Variants in MKLN1 observed in about 807,000 individuals in gnomAD.
MKLN1 encodes the protein muskelin.
In MKLN1, 18 loss-of-function variants were observed where a neutral mutation model predicts 99.0. The ratio of observed to expected loss-of-function variants is 0.18; its 90% CI spans 0.13 to 0.27. MKLN1 has a LOEUF of 0.27. Ranked by LOEUF, MKLN1 falls within the 10% of genes least tolerant of loss-of-function variation. The pLI is 1.00. For synonymous variants in MKLN1, 288 were observed against 293.2 expected (o/e 0.98, Z 0.18); for missense variants, 621 against 875.9 (o/e 0.71, Z 3.67).
intron 1 of MKLN1, among the ~76,000 whole-genome samples, chr7:131,353,367 C>CAT (rs1190114364): frequency 1.1e-4 from 16 of 151,968 alleles, no homozygotes; most frequent in African/African-American, 3.6e-4. Flanking sequence ...TTGCACATCT[C>CAT]GTGTTTATTT....
chr7:131,493,197 A>C lies in MKLN1; in HGVS notation c.*5469A>C, dbSNP rs1797470626. On this transcript the variant is annotated 3_prime_UTR_variant, in exon 18 of 18. Transcript: ENST00000352689. ...TTCTAAGGTATCACTTTTAATTATA[A>C]AATAATGTCTTCCTTTTTATCTGCT... is the stretch of plus-strand genomic sequence containing the variant. 1 of 152,180 alleles carries C rather than the reference A, an allele frequency of 6.6e-6. No homozygotes were observed. Among genetic ancestry groups the C allele is most frequent in the Non-Finnish European group, 1.5e-5 (1 of 68,028 alleles). 9.4% of individuals were successfully genotyped at this position (152,180 alleles called of 1,614,324 possible).
At chr7:131,172,180 G>A (rs1307202514) in intron 2 of MKLN1, among the ~76,000 whole-genome samples, 12 of 149,804 alleles carry the variant, frequency 8.0e-5, no homozygotes, top group African/African-American at 2.2e-4. Context: ...TCGCTCTGTC[G>A]CCCAGGCTGG....
intron 9 of MKLN1, among the ~76,000 whole-genome samples, chr7:131,432,587 A>T (rs1001813546): frequency 2.6e-5 from 4 of 152,090 alleles, no homozygotes; most frequent in African/African-American, 9.7e-5. Context: ...AGCTGGGATT[A>T]CAGGTGCCTG....
intron 2 of MKLN1, among the ~76,000 whole-genome samples, chr7:131,180,073 C>A (rs1584812915): frequency 6.6e-6 from 1 of 152,110 alleles, no homozygotes; most frequent in African/African-American, 2.4e-5. Context: ...ATTTTTATAA[C>A]CTTTTTTCCA....
chr7:131,132,947 A>AGAAAG (rs1182285897), intron 1 of MKLN1, among the ~76,000 whole-genome samples: 3,724 of 56,578 alleles, frequency 0.066, 47 homozygotes, highest in East Asian at 0.14. Context: ...AAAAAAAAAA[A>AGAAAG]AAAGAAAGAA....
chr7:131,464,174 G>A, intron 13 of MKLN1, 120 bp from the exon 14 acceptor site: 1 of 527,506 alleles, frequency 1.9e-6, no homozygotes, highest in Non-Finnish European at 3.4e-6. Flanking sequence ...TTTAAGATAC[G>A]ATGTGAACGC....
At chr7:131,121,300 TG>T (rs1391572103) in intron 1 of MKLN1, among the ~76,000 whole-genome samples, 1 of 152,138 alleles carries the variant, frequency 6.6e-6, no homozygotes, top group Non-Finnish European at 1.5e-5. Context: ...CAATTCAACA[TG>T]AGATTTGGGT....
intron 3 of MKLN1, among the ~76,000 whole-genome samples, chr7:131,219,868 CT>C (rs1170324133): frequency 6.6e-6 from 1 of 152,136 alleles, no homozygotes; most frequent in Non-Finnish European, 1.5e-5. Flanking sequence ...CAGCTTTTTA[CT>C]TTTTTCCTTG....
chr7:131,375,487 TC>T lies in MKLN1; in HGVS notation c.166del (p.Gln56SerfsTer3). On this transcript the variant is annotated frameshift_variant, in exon 2 of 18. Coordinates refer to ENST00000352689, the MANE Select transcript of MKLN1 (RefSeq NM_013255.5). LOFTEE classifies it high-confidence loss of function. Reference protein sequence around the residue: ...SRWSSESNYPPQYLILKLERP... With the variant: ...SRWSSESNYPXQYLILKLERP... ...GATGGTCTTCAGAGAGCAACTATCC[TC>T]CCCAGGTAAGATTACATGTATCCCT... 1 of 1,602,972 alleles carries T rather than the reference TC, an allele frequency of 6.2e-7. No individual in the cohort carries two copies. Among genetic ancestry groups the T allele is most frequent in the Non-Finnish European group, 8.5e-7 (1 of 1,170,132 alleles).
At chr7:131,386,569 CTATT>C (rs1219008703) in intron 2 of MKLN1, among the ~76,000 whole-genome samples, 2 of 152,124 alleles carry the variant, frequency 1.3e-5, no homozygotes, top group Non-Finnish European at 2.9e-5. Context: ...GTGATGTTCT[CTATT>C]TAATTGATCC....
intron 8 of MKLN1, among the ~76,000 whole-genome samples, chr7:131,416,492 A>T (rs1482964045): frequency 6.6e-6 from 1 of 151,822 alleles, no homozygotes; most frequent in African/African-American, 2.4e-5. Flanking sequence ...AAATACTTAC[A>T]ATAAAGTTAT....
At chr7:131,471,968 T>G (rs1276316819) in intron 16 of MKLN1, 4 of 152,038 alleles carry the variant, frequency 2.6e-5, no homozygotes, top group Non-Finnish European at 4.4e-5. Context: ...CAATATTGAT[T>G]ATGGCCCTTC....
At chr7:131,322,617 G>T (rs1798803496) in intron 3 of MKLN1, among the ~76,000 whole-genome samples, 1 of 144,524 alleles carries the variant, frequency 6.9e-6, no homozygotes, top group African/African-American at 2.6e-5. Flanking sequence ...AGGCCGGACT[G>T]CGGACTGCAG....
intron 3 of MKLN1, among the ~76,000 whole-genome samples, chr7:131,235,966 C>A (rs1260617187): frequency 6.6e-6 from 1 of 152,090 alleles, no homozygotes; most frequent in East Asian, 1.9e-4. Context: ...GGGAGTGTGC[C>A]CAGATCGAGT....
intron 2 of MKLN1, among the ~76,000 whole-genome samples, chr7:131,190,956 T>C (rs1324287186): frequency 6.6e-6 from 1 of 152,228 alleles, no homozygotes; most frequent in East Asian, 1.9e-4. Context: ...GGGAACCTTG[T>C]TGAGCTACAG....
At chr7:131,362,135 G>A (rs183036817) in intron 1 of MKLN1, among the ~76,000 whole-genome samples, 4 of 152,010 alleles carry the variant, frequency 2.6e-5, no homozygotes, top group Admixed American at 2.0e-4. Context: ...TAAAATACCT[G>A]TTTATTGTAT....
chr7:131,245,086 G>A (rs959725780), intron 3 of MKLN1, among the ~76,000 whole-genome samples: 1 of 152,132 alleles, frequency 6.6e-6, no homozygotes, highest in Non-Finnish European at 1.5e-5. Flanking sequence ...CCAGTGACAT[G>A]ATACTAATAA....
chr7:131,186,972 C>T (rs1796460525), intron 2 of MKLN1, among the ~76,000 whole-genome samples: 1 of 152,162 alleles, frequency 6.6e-6, no homozygotes, highest in South Asian at 2.1e-4. Flanking sequence ...AAGTGTGTTC[C>T]AGGCAGAAGG....
intron 3 of MKLN1, among the ~76,000 whole-genome samples, chr7:131,292,321 A>G (rs545631148): frequency 1.3e-5 from 2 of 152,340 alleles, no homozygotes; most frequent in African/African-American, 4.8e-5. Flanking sequence ...GATGATGCTT[A>G]AGAAAAACAC....
Sources: gnomAD v4.1 joint callset for allele counts (sites outside exome capture counted in the v4.1 genomes callset) on GRCh38, gnomAD v4.1.1 for gene constraint, MANE v1.5 for transcripts, NCBI Gene and HGNC (gene_info 2026-07-23, HGNC 2026-07-21) for gene names.